Variants in FECH observed in about 807,000 individuals in gnomAD.
FECH encodes ferrochelatase, mitochondrial.
FECH carries 40 observed loss-of-function variants against 56.9 expected under a neutral mutation model. The ratio of observed to expected loss-of-function variants is 0.70; its 90% CI spans 0.55 to 0.92. The LOEUF is 0.92. Ranked by LOEUF, FECH falls within the 40% of genes least tolerant of loss-of-function variation. The pLI is 0.00. For missense variants in FECH, 431 were observed against 529.1 expected (o/e 0.81, Z 1.82); for synonymous variants, 175 against 198.6 (o/e 0.88, Z 1.00).
At chr18:57,567,172 T>C (rs1280982879) in intron 4 of FECH, among the ~76,000 whole-genome samples, 1 of 152,044 alleles carries the variant, frequency 6.6e-6, no homozygotes, top group East Asian at 1.9e-4. Flanking sequence ...ACCTCGTTTA[T>C]ATAAAAAAAT....
At chr18:57,567,128 GCTC>G (rs1433448247) in intron 4 of FECH, among the ~76,000 whole-genome samples, 1 of 151,922 alleles carries the variant, frequency 6.6e-6, no homozygotes, top group Non-Finnish European at 1.5e-5. Context: ...ACCTCACCCT[GCTC>G]CTATTACCCA....
At chr18:57,586,011 C>G (rs1206711569) in intron 1 of FECH, 1 of 153,616 alleles carries the variant, frequency 6.5e-6, no homozygotes, top group African/African-American at 2.4e-5. Context: ...GGAGGCTGTT[C>G]CTGGGTCTTA....
At chr18:57,566,362 T>C in intron 5 of FECH, 85 bp downstream of exon 5, 1 of 1,586,912 alleles carries the variant, frequency 6.3e-7, no homozygotes, top group East Asian at 2.2e-5. Flanking sequence ...TGCAAATAAT[T>C]CATCCTTCCC....
At chr18:57,579,717 C>T (rs1201316601) in intron 2 of FECH, among the ~76,000 whole-genome samples, 1 of 152,160 alleles carries the variant, frequency 6.6e-6, no homozygotes, top group Admixed American at 6.5e-5. Context: ...ACCAGTTATT[C>T]GTTATCCTGT....
intron 2 of FECH, among the ~76,000 whole-genome samples, chr18:57,574,410 A>G (rs908587889): frequency 6.6e-6 from 1 of 152,226 alleles, no homozygotes; most frequent in Admixed American, 6.5e-5. Flanking sequence ...CACTGTGTAG[A>G]TAATTCCTGC....
chr18:57,576,655 G>A (rs1007373633), intron 2 of FECH, among the ~76,000 whole-genome samples: 1 of 152,226 alleles, frequency 6.6e-6, no homozygotes, highest in South Asian at 2.1e-4. Flanking sequence ...TGGCTTTAAA[G>A]GGGATGCTAC....
In FECH at chr18:57,562,691, T is replaced by A. The variant is rs566563625; in HGVS notation, c.705+183A>T. On this transcript the variant is annotated intron_variant, in intron 6 of 10. Transcript: ENST00000262093. ...AGAAAGAAGAGTCTAGTCATTTTAA[T>A]CTTTAAATGTATTTTCTCTTTTCAT... Among the ~76,000 whole-genome samples, 4 of 152,334 alleles carry A rather than the reference T, an allele frequency of 2.6e-5. No homozygotes were observed. The East Asian group carries it at 7.7e-4, about 29-fold the overall frequency.
At chr18:57,576,645 T>A (rs1166216631) in intron 2 of FECH, among the ~76,000 whole-genome samples, 1 of 151,862 alleles carries the variant, frequency 6.6e-6, no homozygotes, top group Middle Eastern at 3.2e-3. Context: ...AGAACAAGAG[T>A]GGCTTTAAAG....
At chr18:57,559,351 C>A in intron 6 of FECH, 108 bp from the exon 7 acceptor site, 1 of 780,486 alleles carries the variant, frequency 1.3e-6, no homozygotes, top group South Asian at 1.5e-5. Context: ...CAGAGCAACC[C>A]TCAAAAATCC....
chr18:57,546,294 C>T lies in FECH; in HGVS notation c.*4418G>A, dbSNP rs988219549. 2.0e-5 allele frequency among the ~76,000 whole-genome samples: 3 copies of T among 152,162 alleles called. No homozygotes were observed. The highest frequency in any genetic ancestry group is 7.2e-5 in the African/African-American group (3 of 41,410). On this transcript the variant is annotated 3_prime_UTR_variant, in exon 11 of 11. Transcript: ENST00000262093. Reference sequence around the variant, plus strand: ...CACATAGACGTTCGCTTACAGCTGCCAGCTTTAAATTCTGCCTTCCCGCTG... The same window carrying T: ...CACATAGACGTTCGCTTACAGCTGCTAGCTTTAAATTCTGCCTTCCCGCTG...
intron 6 of FECH, among the ~76,000 whole-genome samples, chr18:57,559,503 G>T (rs1325214091): frequency 6.6e-6 from 1 of 152,136 alleles, no homozygotes; most frequent in Non-Finnish European, 1.5e-5. Flanking sequence ...GCAAATGCGC[G>T]CTGTGGATCT....
chr18:57,579,647 C>T (rs1043788351), intron 2 of FECH, among the ~76,000 whole-genome samples: 8 of 152,150 alleles, frequency 5.3e-5, no homozygotes, highest in African/African-American at 1.2e-4. Flanking sequence ...TTTATAATTA[C>T]GTTCACTGTG....
chr18:57,578,548 T>C (rs1297917250), intron 2 of FECH, among the ~76,000 whole-genome samples: 1 of 151,728 alleles, frequency 6.6e-6, no homozygotes, highest in Non-Finnish European at 1.5e-5. Flanking sequence ...GGTGTGGTGG[T>C]GTGCACCTGT....
intron 4 of FECH, among the ~76,000 whole-genome samples, chr18:57,569,568 G>A (rs537789): frequency 0.61 from 93,345 of 152,022 alleles, 30,656 homozygotes; most frequent in East Asian, 0.97. Context: ...CAGCCTCACC[G>A]GAGACAGGAG....
rs1178282950 is a variant in FECH, at chr18:57,545,829, T to A, written c.*4883A>T. Among the ~76,000 whole-genome samples the A allele has an allele frequency of 6.7e-6, 1 of 149,254 alleles. No individual in the cohort carries two copies. Among genetic ancestry groups the A allele is most frequent in the African/African-American group, 2.4e-5 (1 of 41,166 alleles). Reference sequence around the variant, plus strand: ...AGCTGGAGAAAATTGACAAAAAAAATAGAAAGTTTGTAAAATGATCAAAAT... The same window carrying A: ...AGCTGGAGAAAATTGACAAAAAAAAAAGAAAGTTTGTAAAATGATCAAAAT... On this transcript the variant is annotated 3_prime_UTR_variant, in exon 11 of 11. Transcript: ENST00000262093.
chr18:57,551,371 C>G lies in FECH; in HGVS notation c.1081G>C (p.Gly361Arg). Residue 361 changes from glycine (G) to arginine (R), a missense_variant, in exon 10 of 11, where the codon GGA becomes CGA. Coordinates refer to ENST00000262093, the MANE Select transcript of FECH (RefSeq NM_000140.5). ...EYSQVLAKEC[G>R]VENIRRAESL... ...TCAGCTCTTCTGATGTTTTCAACTCCACACTGAATCAAATGAGAAAAGGGA... is the reference window on the plus strand; with the variant it reads ...TCAGCTCTTCTGATGTTTTCAACTCGACACTGAATCAAATGAGAAAAGGGA... 1 of 1,612,032 alleles carries G rather than the reference C, an allele frequency of 6.2e-7. No individual in the cohort carries two copies. Among genetic ancestry groups the G allele is most frequent in the Non-Finnish European group, 8.5e-7 (1 of 1,178,334 alleles).
In FECH at chr18:57,554,993, G is replaced by C. The variant is rs757150073; in HGVS notation, c.805-41C>G. 2.0e-6 allele frequency: 3 copies of C among 1,515,672 alleles called. No individual in the cohort carries two copies. The South Asian group carries it at 3.4e-5, about 17-fold the overall frequency. 93.9% of individuals were successfully genotyped at this position (1,515,672 alleles called of 1,614,324 possible). On this transcript the variant is annotated intron_variant, in intron 7 of 10. Coordinates refer to ENST00000262093, the MANE Select transcript of FECH (RefSeq NM_000140.5). ...AATGGGTGTTCAGCCATTAACACTG[G>C]GAAGGCCCCGAGAGCCTCTGACTAT...
chr18:57,546,374 C>T lies in FECH; in HGVS notation c.*4338G>A, dbSNP rs922797242. ...CGACAGGAGCTCATACGGCAGAGCC[C>T]CTAGGAATGCAGGTGCCCCCAGTCA... On this transcript the variant is annotated 3_prime_UTR_variant, in exon 11 of 11. Coordinates refer to ENST00000262093, the MANE Select transcript of FECH (RefSeq NM_000140.5). 4.1e-5 allele frequency among the ~76,000 whole-genome samples: 6 copies of T among 146,388 alleles called. No individual in the cohort carries two copies. The highest frequency in any genetic ancestry group is 6.1e-5 in the Non-Finnish European group (4 of 65,764).
At position 57,575,519 on chromosome 18, in the gene FECH, T is replaced by C. The variant is rs550550789; in HGVS notation, c.195-2154A>G. Among the ~76,000 whole-genome samples, 9 of 152,316 alleles carry C rather than the reference T, an allele frequency of 5.9e-5. 1 individual carries two copies. In the South Asian group the frequency reaches 1.9e-3, roughly 32 times the overall value. Reference sequence around the variant, plus strand: ...GTGCAGTTGCACAAACAAAGCTCACTGCATCCTCGACCTCCCGGGCTCAAG... The same window carrying C: ...GTGCAGTTGCACAAACAAAGCTCACCGCATCCTCGACCTCCCGGGCTCAAG... On this transcript the variant is annotated intron_variant, in intron 2 of 10. Transcript: ENST00000262093.
Sources: gnomAD v4.1 joint callset for allele counts (sites outside exome capture counted in the v4.1 genomes callset) on GRCh38, gnomAD v4.1.1 for gene constraint, MANE v1.5 for transcripts, NCBI Gene and HGNC (gene_info 2026-07-23, HGNC 2026-07-21) for gene names.